Variants in PEX1 observed in about 807,000 individuals in gnomAD.
PEX1 encodes peroxisomal ATPase PEX1.
PEX1 carries 97 observed loss-of-function variants against 152.5 expected under a neutral mutation model. That is an observed-to-expected ratio of 0.64 (90% CI 0.54 to 0.75). The LOEUF is 0.75. PEX1 is among the 30% of genes least tolerant of loss of function. The probability of loss-of-function intolerance (pLI) is 0.00; values close to 1 mark genes in which losing one functional copy is unlikely to be tolerated. For missense variants in PEX1, 1,357 were observed against 1,516.3 expected, an observed-to-expected ratio of 0.89 and a Z score of 1.74; for synonymous variants, 485 against 531.6, an observed-to-expected ratio of 0.91 and a Z score of 1.21.
chr7:92,524,138 A>T (rs1335771633), intron 1 of PEX1, among the ~76,000 whole-genome samples: 1 of 152,012 alleles, frequency 6.6e-6, no homozygotes, highest in Non-Finnish European at 1.5e-5. Flanking sequence ...CCCAGGCTCG[A>T]GTACAGTGGC....
chr7:92,512,689 C>T (rs564847022), intron 6 of PEX1, among the ~76,000 whole-genome samples: 2 of 152,232 alleles, frequency 1.3e-5, no homozygotes, highest in African/African-American at 4.8e-5. Context: ...GGGGTTTCAC[C>T]ATGTTGGCCA....
chr7:92,522,150 T>C lies in PEX1; in HGVS notation c.225A>G (p.Glu75=). ...GTTTTTGACCAACTTGTCTGTTAATTTCAGCCACATTTTCACCTTGATCAC... is the reference window on the plus strand; with the variant it reads ...GTTTTTGACCAACTTGTCTGTTAATCTCAGCCACATTTTCACCTTGATCAC... ...HFSDQGENVA[E]INRQVGQKLG... is the part of the protein sequence containing the mutation. The change falls in exon 2 of 24, where the codon GAA becomes GAG. Residue 75 remains glutamate, a synonymous_variant. Transcript: ENST00000248633. The C allele has an allele frequency of 6.2e-7, 1 of 1,614,160 alleles. No homozygotes were observed. Among genetic ancestry groups the C allele is most frequent in the Non-Finnish European group, 8.5e-7 (1 of 1,180,002 alleles).
intron 9 of PEX1, 64 bp from the exon 10 acceptor site, chr7:92,507,190 A>C (rs1792236382): frequency 1.3e-6 from 2 of 1,498,194 alleles, no homozygotes; most frequent in South Asian, 2.3e-5. Context: ...AGCTATAAAA[A>C]AATGCTGAAT....
intron 10 of PEX1, chr7:92,506,735 G>T (rs1240110707): frequency 3.8e-6 from 2 of 531,816 alleles, no homozygotes; most frequent in Non-Finnish European, 6.7e-6. Context: ...GCCTAAAAAA[G>T]AAAAACCATA....
At chr7:92,504,344 A>G (rs1200981433) in intron 12 of PEX1, among the ~76,000 whole-genome samples, 1 of 152,138 alleles carries the variant, frequency 6.6e-6, no homozygotes, top group East Asian at 1.9e-4. Context: ...ACTCATACAC[A>G]GTAGCCATCA....
At chr7:92,516,210 G>A (rs1354059716) in intron 5 of PEX1, among the ~76,000 whole-genome samples, 1 of 152,092 alleles carries the variant, frequency 6.6e-6, no homozygotes, top group Non-Finnish European at 1.5e-5. Flanking sequence ...CAGATCACCT[G>A]AGGTCAGGAG....
At chr7:92,506,812 A>G in intron 10 of PEX1, 182 bp downstream of exon 10, 1 of 636,898 alleles carries the variant, frequency 1.6e-6, no homozygotes. Context: ...TCACTCCCCC[A>G]ACACCTAAAA....
chr7:92,504,941 C>A, intron 11 of PEX1, 39 bp from the exon 12 acceptor site: 2 of 1,481,046 alleles, frequency 1.4e-6, no homozygotes, highest in South Asian at 1.1e-5. Context: ...AGTATCATTT[C>A]AGTGCTGGGA....
At chr7:92,508,402 G>A (rs545444339) in intron 9 of PEX1, among the ~76,000 whole-genome samples, 3 of 152,152 alleles carry the variant, frequency 2.0e-5, no homozygotes, top group Admixed American at 2.0e-4. Context: ...GGCAGGTGTG[G>A]TGGTGCATGC....
At chr7:92,527,762 A>G (rs888434550) in intron 1 of PEX1, among the ~76,000 whole-genome samples, 2 of 152,244 alleles carry the variant, frequency 1.3e-5, no homozygotes, top group African/African-American at 2.4e-5. Context: ...CAGAGCTTCA[A>G]GTGATCTTAA....
rs111643445 is a variant in PEX1 at position 92,493,277 on chromosome 7, A to G, written c.3031-148T>C. 0.039 allele frequency: 19,473 copies of G among 496,880 alleles called. 444 individuals carry two copies. The highest frequency in any genetic ancestry group is 0.053 in the African/African-American group (2,663 of 50,378). The allele number at this position is 496,880 out of a possible 1,614,324, so 30.8% of individuals were successfully genotyped here. Reference sequence around the variant, plus strand: ...TTGAGAAATGTACCAACAGCCTACTATTTATCTTCCTTGGAATTTTTTCCC... The same window carrying G: ...TTGAGAAATGTACCAACAGCCTACTGTTTATCTTCCTTGGAATTTTTTCCC... On this transcript the variant is annotated intron_variant, in intron 19 of 23. Coordinates refer to ENST00000248633, the MANE Select transcript of PEX1 (RefSeq NM_000466.3).
intron 16 of PEX1, 96 bp downstream of exon 16, chr7:92,499,608 A>G: frequency 3.0e-6 from 3 of 1,005,514 alleles, no homozygotes; most frequent in South Asian, 2.6e-5. Context: ...AGCATTGTGA[A>G]TGCACTAAAT....
intron 20 of PEX1, 34 bp downstream of exon 20, chr7:92,492,919 T>C (rs1469046655): frequency 1.3e-6 from 2 of 1,551,498 alleles, no homozygotes; most frequent in Non-Finnish European, 1.8e-6. Flanking sequence ...TTATCACTCA[T>C]AAAATGTCAT....
intron 6 of PEX1, among the ~76,000 whole-genome samples, chr7:92,511,997 T>A (rs536923600): frequency 6.6e-5 from 10 of 152,328 alleles, no homozygotes; most frequent in Admixed American, 4.6e-4. Context: ...TCCAACCCCA[T>A]TCTCCCTTTC....
In PEX1 at chr7:92,498,502, T is replaced by A. The variant is rs117177550; in HGVS notation, c.2718+1202A>T. ...TCCATCTCAAAGAAATAAAAATAAA[T>A]ACAGAAACAAATAAATAAATTACTA... On this transcript the variant is annotated intron_variant, in intron 16 of 23. Coordinates refer to ENST00000248633, the MANE Select transcript of PEX1 (RefSeq NM_000466.3). 4.2e-4 allele frequency among the ~76,000 whole-genome samples: 64 copies of A among 152,100 alleles called. 1 individual carries two copies. In the East Asian group the frequency reaches 4.6e-3, roughly 11 times the overall value.
intron 1 of PEX1, among the ~76,000 whole-genome samples, chr7:92,526,863 G>C (rs1415129094): frequency 3.3e-5 from 5 of 152,152 alleles, no homozygotes; most frequent in Admixed American, 2.6e-4. Flanking sequence ...TCACCTCTAA[G>C]TTCTGGGATT....
At chr7:92,510,366 T>C (rs936210557) in intron 8 of PEX1, among the ~76,000 whole-genome samples, 1 of 151,360 alleles carries the variant, frequency 6.6e-6, no homozygotes. Context: ...CTTGGGAGGC[T>C]GAGGTGGGAG....
At chr7:92,491,543 A>C (rs1562844590) in intron 20 of PEX1, 41 bp from the exon 21 acceptor site, 2 of 1,177,458 alleles carry the variant, frequency 1.7e-6, no homozygotes, top group Non-Finnish European at 2.6e-6. Context: ...AGATGTAAAC[A>C]ATTTTAGTCT....
Position 92,489,281 on chromosome 7 carries a change from T to A in PEX1, c.3767+12A>T, listed in dbSNP as rs770743353. 2 of 1,611,850 alleles carry A rather than the reference T, an allele frequency of 1.2e-6. No individual in the cohort carries two copies. The highest frequency in any genetic ancestry group is 3.3e-5 in the Admixed American group (2 of 60,004). ...TAGTAGCTGTACTTCCAAAACAGAA[T>A]CTGTTACTTACAGCTCAGCAAAATT... is the stretch of plus-strand genomic sequence containing the variant. On this transcript the variant is annotated intron_variant, in intron 23 of 23. Coordinates refer to ENST00000248633, the MANE Select transcript of PEX1 (RefSeq NM_000466.3).
Sources: allele counts gnomAD v4.1 joint callset (sites outside exome capture counted in the v4.1 genomes callset), GRCh38; gene constraint gnomAD v4.1.1; transcripts MANE v1.5; gene names NCBI Gene and HGNC (gene_info 2026-07-23, HGNC 2026-07-21).